Variants in TMEM181 observed in about 807,000 individuals in gnomAD.
TMEM181 encodes the protein G protein-coupled receptor 178.
Under a neutral mutation model 71.9 loss-of-function variants are expected in TMEM181, and 39 were observed. The ratio of observed to expected loss-of-function variants is 0.54; its 90% CI spans 0.42 to 0.71. The LOEUF is 0.71. Among genes scored for constraint, TMEM181 ranks in the 30% least tolerant of loss-of-function variants. TMEM181 has a pLI of 0.00. For missense variants in TMEM181, 595 were observed against 583.0 expected (o/e 1.02, Z -0.21); for synonymous variants, 245 against 228.8 (o/e 1.07, Z -0.64).
intron 11 of TMEM181, 120 bp downstream of exon 11, chr6:158,623,727 T>A: frequency 1.5e-6 from 1 of 646,000 alleles, no homozygotes; most frequent in Non-Finnish European, 2.5e-6. Flanking sequence ...TGGGAAGGAC[T>A]ACATAGAAAG....
At chr6:158,573,389 A>C (rs768712414) in intron 1 of TMEM181, 31 bp from the exon 2 acceptor site, 2 of 1,545,116 alleles carry the variant, frequency 1.3e-6, no homozygotes, top group Non-Finnish European at 1.8e-6. Context: ...CCTTCCCCTG[A>C]CCGTCCCTCA....
chr6:158,549,587 A>C (rs1781653844), intron 1 of TMEM181, among the ~76,000 whole-genome samples: 1 of 152,198 alleles, frequency 6.6e-6, no homozygotes, highest in Admixed American at 6.5e-5. Flanking sequence ...CTCAAAAATA[A>C]TATTTATTTG....
chr6:158,588,131 A>G (rs1783889098), intron 5 of TMEM181, among the ~76,000 whole-genome samples: 1 of 152,228 alleles, frequency 6.6e-6, no homozygotes, highest in South Asian at 2.1e-4. Flanking sequence ...TCCCTTTCCA[A>G]TGTGATGAAA....
At chr6:158,572,792 A>C (rs1409033539) in intron 1 of TMEM181, among the ~76,000 whole-genome samples, 1 of 152,152 alleles carries the variant, frequency 6.6e-6, no homozygotes, top group Non-Finnish European at 1.5e-5. Context: ...CTGCACGGCA[A>C]GGCAGCGTCC....
intron 5 of TMEM181, among the ~76,000 whole-genome samples, chr6:158,586,132 A>G (rs1307923830): frequency 1.3e-5 from 2 of 152,216 alleles, no homozygotes; most frequent in African/African-American, 4.8e-5. Context: ...TTCAGAGCAC[A>G]GTGTGGCTAA....
chr6:158,611,669 G>T, intron 10 of TMEM181: 1 of 287,482 alleles, frequency 3.5e-6, no homozygotes, highest in South Asian at 3.4e-5. Context: ...GGCAGCCTTT[G>T]GTGGCGGCCC....
chr6:158,605,674 C>T (rs1251348935), intron 7 of TMEM181, among the ~76,000 whole-genome samples: 2 of 152,204 alleles, frequency 1.3e-5, no homozygotes, highest in African/African-American at 4.8e-5. Flanking sequence ...AGTGCAGATG[C>T]AGCATGCTCT....
intron 6 of TMEM181, among the ~76,000 whole-genome samples, chr6:158,597,360 C>G (rs1026780632): frequency 1.3e-5 from 2 of 152,106 alleles, no homozygotes; most frequent in Non-Finnish European, 2.9e-5. Flanking sequence ...GCAGGGAAGT[C>G]CAGGATCCAG....
At chr6:158,569,528 G>A (rs2128291063) in intron 1 of TMEM181, among the ~76,000 whole-genome samples, 2 of 152,222 alleles carry the variant, frequency 1.3e-5, no homozygotes, top group Middle Eastern at 6.8e-3. Flanking sequence ...GGGAGACAAT[G>A]GATTTTATTG....
intron 1 of TMEM181, among the ~76,000 whole-genome samples, chr6:158,539,133 G>A (rs1047679365): frequency 6.6e-6 from 1 of 152,186 alleles, no homozygotes; most frequent in Admixed American, 6.5e-5. Flanking sequence ...TTGAGTTGGA[G>A]CTTGAAGACA....
chr6:158,631,438 C>A, intron 16 of TMEM181, 49 bp downstream of exon 16: 1 of 1,582,440 alleles, frequency 6.3e-7, no homozygotes, highest in Non-Finnish European at 8.7e-7. Flanking sequence ...CATCCCGGCA[C>A]GGCCTTGCAT....
intron 3 of TMEM181, 82 bp downstream of exon 3, chr6:158,581,077 C>G: frequency 1.5e-6 from 2 of 1,358,262 alleles, no homozygotes; most frequent in Non-Finnish European, 2.1e-6. Context: ...CGCTTAGAGT[C>G]TTTAAGGTAG....
At chr6:158,610,696 G>A (rs1562306926) in intron 10 of TMEM181, 1 of 287,892 alleles carries the variant, frequency 3.5e-6, no homozygotes, top group Admixed American at 3.7e-5. Context: ...CTCTGGAGAC[G>A]TTATGGGCGC....
Position 158,608,477 on chromosome 6 carries a change from G to A in TMEM181, c.804+14G>A, listed in dbSNP as rs749191047. 26 of 1,613,964 alleles carry A rather than the reference G, an allele frequency of 1.6e-5. No individual in the cohort carries two copies. The highest frequency in any genetic ancestry group is 2.2e-5 in the South Asian group (2 of 91,084). ...ATTCGTGTCCAGGTGAGCCGGAGCC[G>A]CCCTCACTGCCGGGGGAGGTTCCAG... is the stretch of plus-strand genomic sequence containing the variant. On this transcript the variant is annotated intron_variant, in intron 9 of 16. Transcript: ENST00000684151.
At chr6:158,624,702 C>T (rs1786167975) in intron 11 of TMEM181, among the ~76,000 whole-genome samples, 1 of 152,236 alleles carries the variant, frequency 6.6e-6, no homozygotes, top group African/African-American at 2.4e-5. Context: ...CGTGGATTCC[C>T]AGGGCCTAGC....
Position 158,628,433 on chromosome 6 carries a change from G to A in TMEM181, c.1135G>A (p.Gly379Arg). Residue 379 changes from glycine to arginine, a missense_variant, in exon 14 of 17, where the codon GGG becomes AGG. Gly to Arg is a moderately radical substitution (Grantham distance 125). Coordinates refer to ENST00000684151, the MANE Select transcript of TMEM181 (RefSeq NM_001376852.1). Reference sequence around the variant, plus strand: ...CATCGCCATCCTTTATTTGAGATTTGGGGCGCAAGTACTACAAGACAATTT... The same window carrying A: ...CATCGCCATCCTTTATTTGAGATTTAGGGCGCAAGTACTACAAGACAATTT... The part of the protein sequence containing the change: ...ISIAILYLRF[G>R]AQVLQDNFVA... The A allele has an allele frequency of 6.2e-7, 1 of 1,614,128 alleles. No homozygotes were observed. Among genetic ancestry groups the A allele is most frequent in the African/African-American group, 1.3e-5 (1 of 75,026 alleles).
chr6:158,554,190 A>T (rs113825206), intron 1 of TMEM181, among the ~76,000 whole-genome samples: 39,071 of 151,804 alleles, frequency 0.26, 5,137 homozygotes, highest in Middle Eastern at 0.29. Context: ...GGTTCAAGTG[A>T]TTCTCCTGCC....
At chr6:158,591,689 C>T (rs931089460) in intron 6 of TMEM181, among the ~76,000 whole-genome samples, 1 of 152,082 alleles carries the variant, frequency 6.6e-6, no homozygotes, top group Non-Finnish European at 1.5e-5. Context: ...ACAGTGCAGA[C>T]AAACAAGGGA....
At chr6:158,625,003 T>A in intron 11 of TMEM181, 101 bp from the exon 12 acceptor site, 1 of 892,136 alleles carries the variant, frequency 1.1e-6, no homozygotes, top group Non-Finnish European at 1.9e-6. Flanking sequence ...AGGGTTGAAG[T>A]CCCTTCTAAA....
Sources: gnomAD v4.1 joint callset for allele counts (sites outside exome capture counted in the v4.1 genomes callset) on GRCh38, gnomAD v4.1.1 for gene constraint, MANE v1.5 for transcripts, NCBI Gene and HGNC (gene_info 2026-07-23, HGNC 2026-07-21) for gene names.